The following ANKS1B variants were observed in gnomAD, a reference collection of about 807,000 sequenced individuals.
ANKS1B encodes ankyrin repeat and sterile alpha motif domain containing 1B.
ANKS1B carries 36 observed loss-of-function variants against 148.3 expected under a neutral mutation model. The observed-to-expected ratio is 0.24, with a 90% CI of 0.19 to 0.32. ANKS1B has a LOEUF of 0.32. ANKS1B is among the 10% of genes least tolerant of loss of function. The pLI is 1.00. For missense variants in ANKS1B, 1,157 were observed against 1,542.6 expected (o/e 0.75, Z 4.19); for synonymous variants, 542 against 560.8 (o/e 0.97, Z 0.47).
chr12:99,489,590 C>A (rs1261624442), intron 10 of ANKS1B, among the ~76,000 whole-genome samples: 1 of 152,144 alleles, frequency 6.6e-6, no homozygotes. Flanking sequence ...AGGTATGCCA[C>A]CGTATCTCAA....
chr12:99,077,770 T>C (rs957344076), intron 16 of ANKS1B, among the ~76,000 whole-genome samples: 4 of 152,228 alleles, frequency 2.6e-5, no homozygotes, highest in African/African-American at 9.6e-5. Flanking sequence ...AGAATGTCTC[T>C]GTTCTCTTAA....
intron 12 of ANKS1B, among the ~76,000 whole-genome samples, chr12:99,364,873 G>A (rs2092684375): frequency 6.6e-6 from 1 of 152,166 alleles, no homozygotes; most frequent in Non-Finnish European, 1.5e-5. Flanking sequence ...AGATAGACAA[G>A]GGTCCTAGGG....
intron 17 of ANKS1B, among the ~76,000 whole-genome samples, chr12:98,992,419 T>C (rs537521293): frequency 6.6e-6 from 1 of 152,208 alleles, no homozygotes; most frequent in African/African-American, 2.4e-5. Context: ...AGGGAGGTGA[T>C]TGGATCCTGG....
chr12:98,918,115 T>C (rs1401426229), intron 17 of ANKS1B, among the ~76,000 whole-genome samples: 1 of 152,194 alleles, frequency 6.6e-6, no homozygotes, highest in Non-Finnish European at 1.5e-5. Context: ...AGTTCCTGCA[T>C]AAGGACTATT....
chr12:99,364,432 T>C (rs1409968318), intron 12 of ANKS1B, among the ~76,000 whole-genome samples: 1 of 152,220 alleles, frequency 6.6e-6, no homozygotes, highest in Non-Finnish European at 1.5e-5. Flanking sequence ...ATCTCCCATC[T>C]GAGAAAAATG....
At chr12:99,763,685 G>C (rs1601667373) in intron 8 of ANKS1B, among the ~76,000 whole-genome samples, 2 of 150,436 alleles carry the variant, frequency 1.3e-5, no homozygotes, top group African/African-American at 4.9e-5. Context: ...AAACAAAATA[G>C]CCCCATCTCA....
At chr12:99,974,509 T>C (rs540569897) in intron 1 of ANKS1B, among the ~76,000 whole-genome samples, 2 of 152,178 alleles carry the variant, frequency 1.3e-5, no homozygotes, top group Non-Finnish European at 2.9e-5. Flanking sequence ...AAAATACTTT[T>C]CTATCACCAG....
At chr12:99,369,040 T>C (rs969375389) in intron 12 of ANKS1B, among the ~76,000 whole-genome samples, 5 of 152,114 alleles carry the variant, frequency 3.3e-5, no homozygotes, top group Non-Finnish European at 7.4e-5. Context: ...CTGATGTCAT[T>C]CCCAACAGTT....
At chr12:99,648,849 C>G in intron 9 of ANKS1B, 1 of 1,524,866 alleles carries the variant, frequency 6.6e-7, no homozygotes, top group Admixed American at 2.2e-5. Context: ...AGGTACAGGT[C>G]CTGTAAAGCC....
chr12:99,617,705 A>T (rs924982699), intron 9 of ANKS1B, among the ~76,000 whole-genome samples: 3 of 152,012 alleles, frequency 2.0e-5, no homozygotes, highest in Non-Finnish European at 4.4e-5. Flanking sequence ...CTTAAAACCT[A>T]GATGATGGGT....
intron 1 of ANKS1B, among the ~76,000 whole-genome samples, chr12:99,920,192 G>T (rs762009464): frequency 6.6e-6 from 1 of 152,072 alleles, no homozygotes; most frequent in Admixed American, 6.5e-5. Context: ...CGGATGATTT[G>T]CCACAAATAG....
At chr12:98,758,223 C>A (rs1035792307) in intron 25 of ANKS1B, among the ~76,000 whole-genome samples, 1 of 152,052 alleles carries the variant, frequency 6.6e-6, no homozygotes, top group Non-Finnish European at 1.5e-5. Flanking sequence ...CTATTACTTC[C>A]ATTTTGCACA....
At chr12:99,409,042 T>C (rs1388621773) in intron 11 of ANKS1B, among the ~76,000 whole-genome samples, 2 of 152,146 alleles carry the variant, frequency 1.3e-5, no homozygotes, top group Middle Eastern at 3.4e-3. Context: ...CATAGCTCAT[T>C]CTCTCTCATG....
chr12:99,096,789 T>C (rs917862975), intron 15 of ANKS1B, among the ~76,000 whole-genome samples: 8 of 152,218 alleles, frequency 5.3e-5, no homozygotes, highest in Non-Finnish European at 1.2e-4. Context: ...TCACAGTGAA[T>C]GTAATTAAAT....
intron 17 of ANKS1B, among the ~76,000 whole-genome samples, chr12:99,039,073 T>C (rs2099957301): frequency 6.6e-6 from 1 of 152,242 alleles, no homozygotes; most frequent in African/African-American, 2.4e-5. Context: ...GCTTGGCATA[T>C]AGTAGGTGTT....
chr12:99,984,344 A>C lies in ANKS1B; in HGVS notation c.-107T>G. On this transcript the variant is annotated 5_prime_UTR_variant, in exon 1 of 27. Transcript: ENST00000683438. ...GCCCTCTTCGCCCCACCCTAAAATA[A>C]TGCAAGAGCTTCAGCACGGAGAGCT... 10 of 815,114 alleles carry C rather than the reference A, an allele frequency of 1.2e-5. No homozygotes were observed. Among genetic ancestry groups the C allele is most frequent in the East Asian group, 4.8e-5 (1 of 20,972 alleles). 50.5% of individuals were successfully genotyped at this position (815,114 alleles called of 1,614,324 possible).
At chr12:99,834,625 C>T (rs1415265201) in intron 1 of ANKS1B, among the ~76,000 whole-genome samples, 1 of 151,772 alleles carries the variant, frequency 6.6e-6, no homozygotes, top group Admixed American at 6.6e-5. Flanking sequence ...TAAGATTATT[C>T]TTAAACCATA....
At chr12:99,792,357 T>C (rs752385295) in intron 4 of ANKS1B, among the ~76,000 whole-genome samples, 4 of 151,738 alleles carry the variant, frequency 2.6e-5, no homozygotes, top group Non-Finnish European at 5.9e-5. Flanking sequence ...TTCTGAAAAA[T>C]AGGGGAAGAT....
At chr12:99,519,311 G>A (rs2096852659) in intron 9 of ANKS1B, among the ~76,000 whole-genome samples, 1 of 152,110 alleles carries the variant, frequency 6.6e-6, no homozygotes, top group African/African-American at 2.4e-5. Context: ...AATCCTGAAA[G>A]TGGGATGTTG....
Sources: allele counts gnomAD v4.1 joint callset (sites outside exome capture counted in the v4.1 genomes callset), GRCh38; gene constraint gnomAD v4.1.1; transcripts MANE v1.5; gene names NCBI Gene and HGNC (gene_info 2026-07-23, HGNC 2026-07-21).